Variants in KCMF1 observed in about 807,000 individuals in gnomAD.
The protein encoded by KCMF1 is E3 ubiquitin-protein ligase KCMF1.
A neutral mutation model predicts 41.1 loss-of-function variants in KCMF1; 3 were observed. The observed-to-expected ratio is 0.07, with a 90% CI of 0.03 to 0.19. KCMF1 has a LOEUF of 0.19. Ranked by LOEUF, KCMF1 falls within the 10% of genes least tolerant of loss-of-function variation. The probability of loss-of-function intolerance (pLI) is 1.00; values close to 1 mark genes in which losing one functional copy is unlikely to be tolerated. For missense variants in KCMF1, 286 were observed against 488.9 expected (o/e 0.58, Z 3.91); for synonymous variants, 142 against 164.5 (o/e 0.86, Z 1.04).
chr2:85,024,224 A>G (rs1302912202), intron 1 of KCMF1, among the ~76,000 whole-genome samples: 1 of 152,206 alleles, frequency 6.6e-6, no homozygotes, highest in East Asian at 1.9e-4. Context: ...CGCCTGTTGT[A>G]ATTCCAGCAC....
chr2:84,996,024 ATGT>A (rs1318466596), intron 1 of KCMF1, among the ~76,000 whole-genome samples: 2 of 152,258 alleles, frequency 1.3e-5, no homozygotes, highest in African/African-American at 2.4e-5. Flanking sequence ...ATTGCCGTCA[ATGT>A]TGTTTCTTTT....
intron 1 of KCMF1, among the ~76,000 whole-genome samples, chr2:85,003,382 G>C (rs868072286): frequency 6.6e-6 from 1 of 152,082 alleles, no homozygotes; most frequent in African/African-American, 2.4e-5. Context: ...GGAGGCTGAG[G>C]CAGGAGAATG....
chr2:84,992,400 C>T (rs374298774), intron 1 of KCMF1, among the ~76,000 whole-genome samples: 1 of 151,890 alleles, frequency 6.6e-6, no homozygotes, highest in Non-Finnish European at 1.5e-5. Flanking sequence ...GGACTACAGA[C>T]GCACGCCACC....
chr2:85,053,311 A>G lies in KCMF1; in HGVS notation c.1048A>G (p.Met350Val), dbSNP rs1675852617. 4 of 1,613,802 alleles carry G rather than the reference A, an allele frequency of 2.5e-6. No homozygotes were observed. Among genetic ancestry groups the G allele is most frequent in the South Asian group, 1.1e-5 (1 of 91,078 alleles). ...DRGEMADFGA[M>V]GCVDIMPLDV... is the part of the protein sequence containing the mutation. ...GGGGGAGATGGCAGATTTTGGTGCTATGGGCTGTGTAGATATTATGCCTTT... is the reference window on the plus strand; with the variant it reads ...GGGGGAGATGGCAGATTTTGGTGCTGTGGGCTGTGTAGATATTATGCCTTT... Residue 350 changes from methionine to valine, a missense_variant, in exon 7 of 7, where the codon ATG becomes GTG. Transcript: ENST00000409785.
intron 1 of KCMF1, among the ~76,000 whole-genome samples, chr2:84,989,213 A>G (rs1470565213): frequency 6.6e-6 from 1 of 152,210 alleles, no homozygotes; most frequent in Non-Finnish European, 1.5e-5. Flanking sequence ...GAGACAGGTG[A>G]TTATAATACA....
chr2:84,980,300 G>C (rs1020397830), intron 1 of KCMF1, among the ~76,000 whole-genome samples: 1 of 152,206 alleles, frequency 6.6e-6, no homozygotes, highest in Admixed American at 6.5e-5. Context: ...GTGGGTGTTG[G>C]CAGAGGAAAG....
At chr2:85,038,235 T>C (rs1675446847) in intron 3 of KCMF1, among the ~76,000 whole-genome samples, 1 of 152,258 alleles carries the variant, frequency 6.6e-6, no homozygotes, top group Admixed American at 6.5e-5. Flanking sequence ...ATTTCACTTA[T>C]AATTGAACAC....
At position 85,055,646 on chromosome 2, in the gene KCMF1, T is replaced by C. The variant is rs1675909585; in HGVS notation, c.*2237T>C. ...ATCCTGTATGTAATCAATAATGTAT[T>C]ATTTTAGGGTAGAACGACACAGAAT... On this transcript the variant is annotated 3_prime_UTR_variant, in exon 7 of 7. Coordinates refer to ENST00000409785, the MANE Select transcript of KCMF1 (RefSeq NM_020122.5). The C allele has an allele frequency of 6.6e-6, 1 of 152,168 alleles. No individual in the cohort carries two copies. The highest frequency in any genetic ancestry group is 2.1e-4 in the South Asian group (1 of 4,836). The allele number at this position is 152,168 out of a possible 1,614,324, so 9.4% of individuals were successfully genotyped here. A position where few individuals can be genotyped will look rare whatever the true frequency, so the allele number is the denominator to read the frequency against.
At chr2:84,988,646 T>C (rs1424458129) in intron 1 of KCMF1, among the ~76,000 whole-genome samples, 1 of 152,208 alleles carries the variant, frequency 6.6e-6, no homozygotes. Flanking sequence ...GCATATGTTA[T>C]TCCCTTTTAC....
At chr2:85,007,209 C>T (rs1287432090) in intron 1 of KCMF1, among the ~76,000 whole-genome samples, 1 of 152,034 alleles carries the variant, frequency 6.6e-6, no homozygotes, top group African/African-American at 2.4e-5. Flanking sequence ...CAGGTTTACT[C>T]CCAGTATATC....
At chr2:85,012,723 A>G (rs1049321208) in intron 1 of KCMF1, among the ~76,000 whole-genome samples, 10 of 152,198 alleles carry the variant, frequency 6.6e-5, no homozygotes, top group African/African-American at 2.4e-4. Context: ...TATTCTCTAT[A>G]CTTTGTATTA....
intron 1 of KCMF1, among the ~76,000 whole-genome samples, chr2:85,017,012 CTTTTTTTTTTTTTTT>C (rs768880385): frequency 1.0e-5 from 1 of 99,526 alleles, no homozygotes; most frequent in East Asian, 3.0e-4. Flanking sequence ...AGATCCTCTT[CTTTTTTTTTTTTTTT>C]TTTTTTTTGA....
intron 3 of KCMF1, among the ~76,000 whole-genome samples, chr2:85,036,866 ATATT>A (rs1462937874): frequency 1.3e-5 from 2 of 148,920 alleles, no homozygotes; most frequent in African/African-American, 4.9e-5. Context: ...TTAATTGATA[ATATT>A]TATTATTATA....
rs771506481 is a variant in KCMF1, at chr2:85,056,610, A to T, written c.*3201A>T. ...GTAGAAGGAGAATACTAGAGAGGTT[A>T]CGGTAGCAGGTGGCTGCAGAAAAGA... On this transcript the variant is annotated 3_prime_UTR_variant, in exon 7 of 7. Transcript: ENST00000409785. The T allele has an allele frequency of 2.0e-5, 3 of 152,258 alleles. No homozygotes were observed. 9.4% of individuals were successfully genotyped at this position (152,258 alleles called of 1,614,324 possible). A position where few individuals can be genotyped will look rare whatever the true frequency, so the allele number is the denominator to read the frequency against.
intron 1 of KCMF1, among the ~76,000 whole-genome samples, chr2:85,020,598 G>T (rs994126253): frequency 6.6e-6 from 1 of 151,952 alleles, no homozygotes; most frequent in Non-Finnish European, 1.5e-5. Context: ...GCTAATTTTT[G>T]TATGTTTTTT....
chr2:84,992,513 G>A (rs550728988), intron 1 of KCMF1, among the ~76,000 whole-genome samples: 6 of 152,082 alleles, frequency 3.9e-5, no homozygotes, highest in South Asian at 2.1e-4. Context: ...CGCCTGGCCC[G>A]TTTTGGCTCT....
chr2:85,011,907 G>A (rs543583965), intron 1 of KCMF1, among the ~76,000 whole-genome samples: 24 of 152,264 alleles, frequency 1.6e-4, no homozygotes, highest in African/African-American at 2.4e-4. Context: ...TCCCTGTCCC[G>A]CTAATAGTTA....
chr2:85,019,871 T>C (rs1482705449), intron 1 of KCMF1, among the ~76,000 whole-genome samples: 3 of 151,728 alleles, frequency 2.0e-5, no homozygotes, highest in Admixed American at 6.6e-5. Flanking sequence ...TGACCTTGAA[T>C]CATAAAAGGC....
At chr2:84,999,331 T>A (rs1048206123) in intron 1 of KCMF1, among the ~76,000 whole-genome samples, 1 of 151,128 alleles carries the variant, frequency 6.6e-6, no homozygotes, top group African/African-American at 2.4e-5. Context: ...TTGTATTTTT[T>A]AAGTAGAGAC....
Sources: allele counts gnomAD v4.1 joint callset (sites outside exome capture counted in the v4.1 genomes callset), GRCh38; gene constraint gnomAD v4.1.1; transcripts MANE v1.5; gene names NCBI Gene and HGNC (gene_info 2026-07-23, HGNC 2026-07-21).